Variants in ASPRV1 observed in about 807,000 individuals in gnomAD.
ASPRV1 encodes retroviral-like aspartic protease 1.
A neutral mutation model predicts 11.0 loss-of-function variants in ASPRV1; 7 were observed. The observed-to-expected ratio is 0.64, with a 90% CI of 0.36 to 1.20. The LOEUF (loss-of-function observed/expected upper bound fraction) is 1.20, where lower values mean the gene tolerates loss of function less well. Ranked by LOEUF, ASPRV1 falls within the 50% of genes most tolerant of loss-of-function variation. The pLI is 0.02. For synonymous variants in ASPRV1, 136 were observed against 138.4 expected (o/e 0.98, Z 0.12); for missense variants, 299 against 320.0 (o/e 0.93, Z 0.50).
the ASPRV1 span, among the ~76,000 whole-genome samples, chr2:70,043,189 G>A: frequency 1.2e-4 from 18 of 152,078 alleles, no homozygotes; most frequent in Non-Finnish European, 1.9e-4. Flanking sequence ...AGGCCGAGGC[G>A]GGTGTATCAC....
At chr2:69,979,847 C>T in the ASPRV1 span, among the ~76,000 whole-genome samples, 1 of 152,210 alleles carries the variant, frequency 6.6e-6, no homozygotes, top group African/African-American at 2.4e-5. Flanking sequence ...CGAGGCACTG[C>T]TCAGTCCCCT....
the ASPRV1 span, among the ~76,000 whole-genome samples, chr2:69,975,031 C>G: frequency 1.3e-5 from 2 of 152,192 alleles, no homozygotes; most frequent in African/African-American, 4.8e-5. Context: ...GTGGGTCACA[C>G]GCGACAAACT....
the ASPRV1 span, among the ~76,000 whole-genome samples, chr2:70,043,264 A>G: frequency 2.0e-5 from 3 of 152,212 alleles, no homozygotes; most frequent in African/African-American, 4.8e-5. Context: ...CTAAAAATAC[A>G]AAAATTAGCT....
the ASPRV1 span, among the ~76,000 whole-genome samples, chr2:69,945,449 T>C: frequency 1.3e-5 from 2 of 152,358 alleles, 1 homozygote; most frequent in Middle Eastern, 6.8e-3. Context: ...GCCCACTCTG[T>C]TCCATGCAGA....
At chr2:70,062,021 C>T in the ASPRV1 span, among the ~76,000 whole-genome samples, 716 of 151,320 alleles carry the variant, frequency 4.7e-3, 11 homozygotes, top group South Asian at 0.028. Context: ...AGCACGGTGG[C>T]TCACACCTGT....
At chr2:69,967,516 T>C in the ASPRV1 span, among the ~76,000 whole-genome samples, 1 of 152,138 alleles carries the variant, frequency 6.6e-6, no homozygotes, top group African/African-American at 2.4e-5. Context: ...GTGAAGGCCC[T>C]GAGAATGAGT....
chr2:70,064,817 G>A, the ASPRV1 span, among the ~76,000 whole-genome samples: 3 of 152,320 alleles, frequency 2.0e-5, no homozygotes, highest in South Asian at 6.2e-4. Flanking sequence ...ATATCAGCCA[G>A]GCACAGTGGC....
chr2:69,969,345 T>A, the ASPRV1 span, among the ~76,000 whole-genome samples: 1 of 152,190 alleles, frequency 6.6e-6, no homozygotes, highest in Non-Finnish European at 1.5e-5. Context: ...CCGTCAGCCT[T>A]GCCAGGGACA....
chr2:69,974,464 T>C, the ASPRV1 span, among the ~76,000 whole-genome samples: 2 of 152,260 alleles, frequency 1.3e-5, no homozygotes, highest in Non-Finnish European at 2.9e-5. Context: ...TAGCTGGGTT[T>C]AACCATTGGT....
At chr2:70,046,694 C>A in the ASPRV1 span, 1 of 152,102 alleles carries the variant, frequency 6.6e-6, no homozygotes, top group Non-Finnish European at 1.5e-5. Flanking sequence ...AAAAGGCTGG[C>A]TGGCAGCTTC....
chr2:70,085,776 A>T, the ASPRV1 span: 6 of 152,286 alleles, frequency 3.9e-5, no homozygotes, highest in African/African-American at 1.4e-4. Context: ...CTAGACTAAA[A>T]ATGAACACTT....
the ASPRV1 span, among the ~76,000 whole-genome samples, chr2:70,043,419 C>T: frequency 6.7e-6 from 1 of 150,014 alleles, no homozygotes; most frequent in African/African-American, 2.5e-5. Flanking sequence ...CAGAGTCTCG[C>T]ATTTAAAAAA....
chr2:70,020,167 G>C, the ASPRV1 span, among the ~76,000 whole-genome samples: 2 of 152,246 alleles, frequency 1.3e-5, no homozygotes, highest in Non-Finnish European at 2.9e-5. Context: ...GTAGCTGCTG[G>C]AGAAAACAAC....
chr2:70,086,050 C>T, the ASPRV1 span: 9 of 152,118 alleles, frequency 5.9e-5, no homozygotes, highest in Non-Finnish European at 1.3e-4. Flanking sequence ...AAATATTGTG[C>T]CCACATTTTA....
the ASPRV1 span, among the ~76,000 whole-genome samples, chr2:69,936,576 C>T: frequency 1.3e-5 from 2 of 152,080 alleles, no homozygotes; most frequent in Non-Finnish European, 2.9e-5. Context: ...GGGAGAAAAC[C>T]TCTATTTAAA....
upstream of ASPRV1, chr2:69,963,406 C>T (rs1558582490): frequency 2.2e-6 from 1 of 456,560 alleles, no homozygotes; most frequent in African/African-American, 2.0e-5. Context: ...AGATAGCTTC[C>T]CAGCTGCTGG....
At chr2:70,007,858 A>G in the ASPRV1 span, among the ~76,000 whole-genome samples, 1 of 152,004 alleles carries the variant, frequency 6.6e-6, no homozygotes, top group African/African-American at 2.4e-5. Flanking sequence ...TTTAGCGACA[A>G]AGAGTCTCAC....
chr2:69,999,146 A>G, the ASPRV1 span, among the ~76,000 whole-genome samples: 1 of 152,144 alleles, frequency 6.6e-6, no homozygotes, highest in Non-Finnish European at 1.5e-5. Context: ...CCCAGGCTGG[A>G]GTGCAGTGGC....
the ASPRV1 span, among the ~76,000 whole-genome samples, chr2:70,013,652 G>A: frequency 1.1e-4 from 16 of 152,318 alleles, no homozygotes; most frequent in Middle Eastern, 6.8e-3. Context: ...CACTTTGGGA[G>A]GCCAAGGTGG....
Sources: allele counts gnomAD v4.1 joint callset (sites outside exome capture counted in the v4.1 genomes callset), GRCh38; gene constraint gnomAD v4.1.1; transcripts MANE v1.5; gene names NCBI Gene and HGNC (gene_info 2026-07-23, HGNC 2026-07-21).